CBLB: variants seen among roughly 807,000 people sequenced by gnomAD.
CBLB encodes E3 ubiquitin-protein ligase CBL-B.
Under a neutral mutation model 104.9 loss-of-function variants are expected in CBLB, and 31 were observed. The ratio of observed to expected loss-of-function variants is 0.30; its 90% CI spans 0.22 to 0.40. The LOEUF (loss-of-function observed/expected upper bound fraction) is 0.40, where lower values mean the gene tolerates loss of function less well. CBLB is among the 10% of genes least tolerant of loss of function. CBLB has a pLI of 1.00. For synonymous variants in CBLB, 440 were observed against 422.6 expected, an observed-to-expected ratio of 1.04 and a Z score of -0.51; for missense variants, 1,062 against 1,214.6, an observed-to-expected ratio of 0.87 and a Z score of 1.87.
At chr3:105,745,294 TG>T (rs2075997717) in intron 6 of CBLB, among the ~76,000 whole-genome samples, 1 of 152,196 alleles carries the variant, frequency 6.6e-6, no homozygotes, top group East Asian at 1.9e-4. Context: ...ATTAATAAGG[TG>T]TAATTTCTTG....
chr3:105,833,907 TA>T (rs950070320), intron 3 of CBLB, among the ~76,000 whole-genome samples: 7 of 148,464 alleles, frequency 4.7e-5, no homozygotes, highest in Non-Finnish European at 6.0e-5. Context: ...CCTTTCGTTT[TA>T]AAAAAAAAAA....
intron 3 of CBLB, among the ~76,000 whole-genome samples, chr3:105,782,711 A>G (rs2080437156): frequency 6.6e-6 from 1 of 151,022 alleles, no homozygotes; most frequent in South Asian, 2.1e-4. Flanking sequence ...CTCAGCCTCC[A>G]GAGGGTGTAT....
In CBLB at chr3:105,658,910, A is replaced by G. The variant is rs1193061531; in HGVS notation, c.*60T>C. The G allele has an allele frequency of 6.4e-7, 1 of 1,574,762 alleles. No homozygotes were observed. Among genetic ancestry groups the G allele is most frequent in the African/African-American group, 1.4e-5 (1 of 73,866 alleles). ...CTTGAATTCCATCTCAGTTCTCTTT[A>G]TTTCCACACTCTTGGAATACATCGA... On this transcript the variant is annotated 3_prime_UTR_variant, in exon 19 of 19. Transcript: ENST00000394030.
intron 3 of CBLB, among the ~76,000 whole-genome samples, chr3:105,793,855 CAA>C (rs2081966804): frequency 6.8e-6 from 1 of 146,516 alleles, no homozygotes; most frequent in South Asian, 2.1e-4. Context: ...AAAAGAAATG[CAA>C]AAAAGGGTGA....
chr3:105,814,987 C>G (rs1560368438), intron 3 of CBLB, among the ~76,000 whole-genome samples: 1 of 146,316 alleles, frequency 6.8e-6, no homozygotes, highest in African/African-American at 2.5e-5. Context: ...CACTTCCATC[C>G]TTAGCCACTA....
At position 105,656,934 on chromosome 3, in the gene CBLB, A is replaced by G. The variant is rs1479707667; in HGVS notation, c.*2036T>C. The G allele has an allele frequency of 9.3e-6, 2 of 216,192 alleles. No homozygotes were observed. Among genetic ancestry groups the G allele is most frequent in the Non-Finnish European group, 1.9e-5 (2 of 107,354 alleles). 13.4% of individuals were successfully genotyped at this position (216,192 alleles called of 1,614,324 possible). A position where few individuals can be genotyped will look rare whatever the true frequency, so the allele number is the denominator to read the frequency against. On this transcript the variant is annotated 3_prime_UTR_variant, in exon 19 of 19. Coordinates refer to ENST00000394030, the MANE Select transcript of CBLB (RefSeq NM_170662.5). ...AATCATAATGACAAAACAGGGGTTC[A>G]TAAAGCAAAAGAAAATTTGCCAATG...
chr3:105,658,920 T>G lies in CBLB; in HGVS notation c.*50A>C. The G allele has an allele frequency of 6.3e-7, 1 of 1,588,224 alleles. No homozygotes were observed. Among genetic ancestry groups the G allele is most frequent in the Non-Finnish European group, 8.6e-7 (1 of 1,157,430 alleles). ...ATCTCAGTTCTCTTTATTTCCACAC[T>G]CTTGGAATACATCGATTGCTTTCCA... On this transcript the variant is annotated 3_prime_UTR_variant, in exon 19 of 19. Transcript: ENST00000394030.
intron 3 of CBLB, among the ~76,000 whole-genome samples, chr3:105,797,957 G>A (rs981996532): frequency 2.0e-5 from 3 of 152,142 alleles, no homozygotes; most frequent in South Asian, 2.1e-4. Context: ...CCATTACAAC[G>A]GTAGAAGCAC....
chr3:105,829,732 G>C (rs566681414), intron 3 of CBLB, among the ~76,000 whole-genome samples: 1,682 of 136,946 alleles, frequency 0.012, 21 homozygotes, highest in Middle Eastern at 0.052. Context: ...TAATAATGGA[G>C]GAAGATTTCT....
chr3:105,854,531 A>T (rs758744280), intron 2 of CBLB, among the ~76,000 whole-genome samples: 1 of 152,144 alleles, frequency 6.6e-6, no homozygotes, highest in Non-Finnish European at 1.5e-5. Context: ...ACTCTTACAA[A>T]AGGTTAAATG....
At chr3:105,825,347 G>C (rs2086429909) in intron 3 of CBLB, among the ~76,000 whole-genome samples, 2 of 152,154 alleles carry the variant, frequency 1.3e-5, no homozygotes, top group Non-Finnish European at 2.9e-5. Context: ...CCGACTCTCA[G>C]ATAGTGAGAA....
chr3:105,863,184 C>T (rs1017669011), intron 2 of CBLB, among the ~76,000 whole-genome samples: 1 of 152,114 alleles, frequency 6.6e-6, no homozygotes, highest in Non-Finnish European at 1.5e-5. Context: ...CAGGGATAAA[C>T]CAAGGTAAGT....
intron 3 of CBLB, among the ~76,000 whole-genome samples, chr3:105,831,771 A>G (rs978149166): frequency 6.6e-6 from 1 of 152,234 alleles, no homozygotes; most frequent in Non-Finnish European, 1.5e-5. Flanking sequence ...AATCAAAAGA[A>G]AAACTTTTCA....
At chr3:105,863,293 C>T (rs983284114) in intron 2 of CBLB, among the ~76,000 whole-genome samples, 1 of 152,170 alleles carries the variant, frequency 6.6e-6, no homozygotes, top group Non-Finnish European at 1.5e-5. Context: ...AACACAAATT[C>T]AAAACTGAAC....
chr3:105,684,149 C>T (rs960120822), intron 14 of CBLB, among the ~76,000 whole-genome samples: 1 of 152,172 alleles, frequency 6.6e-6, no homozygotes, highest in Admixed American at 6.5e-5. Context: ...GAAGTAATTG[C>T]CATCTCCCCT....
chr3:105,802,063 C>A (rs1241803559), intron 3 of CBLB, among the ~76,000 whole-genome samples: 1 of 152,160 alleles, frequency 6.6e-6, no homozygotes, highest in Non-Finnish European at 1.5e-5. Flanking sequence ...ACTGTAATAA[C>A]CTTCAAGAAA....
At chr3:105,807,953 A>C (rs1577375167) in intron 3 of CBLB, among the ~76,000 whole-genome samples, 1 of 152,218 alleles carries the variant, frequency 6.6e-6, no homozygotes, top group East Asian at 1.9e-4. Flanking sequence ...CAGTCATTAC[A>C]CTATCATTGT....
In CBLB at chr3:105,807,549, T is replaced by C. The variant is rs937255647; in HGVS notation, c.420-31007A>G. 1.2e-4 allele frequency among the ~76,000 whole-genome samples: 19 copies of C among 152,220 alleles called. 1 individual carries two copies. The highest frequency in any genetic ancestry group is 2.9e-5 in the Non-Finnish European group (2 of 68,034). ...AATCCTATGTTCAGAGAAACACATA[T>C]AATTTAATGGAAAAACATAATTTCA... On this transcript the variant is annotated intron_variant, in intron 3 of 18. Coordinates refer to ENST00000394030, the MANE Select transcript of CBLB (RefSeq NM_170662.5).
At position 105,658,696 on chromosome 3, in the gene CBLB, A is replaced by G. The variant is rs1329061174; in HGVS notation, c.*274T>C. ...CTGTAAACAAGGTAAAGCATTTCAC[A>G]GGTTCAAAGTTCAAGGGAAGTAAAC... On this transcript the variant is annotated 3_prime_UTR_variant, in exon 19 of 19. Coordinates refer to ENST00000394030, the MANE Select transcript of CBLB (RefSeq NM_170662.5). The G allele has an allele frequency of 4.0e-6, 2 of 497,128 alleles. No homozygotes were observed. The highest frequency in any genetic ancestry group is 7.2e-6 in the Non-Finnish European group (2 of 277,254). 30.8% of individuals were successfully genotyped at this position (497,128 alleles called of 1,614,324 possible).
Sources: allele counts gnomAD v4.1 joint callset (sites outside exome capture counted in the v4.1 genomes callset), GRCh38; gene constraint gnomAD v4.1.1; transcripts MANE v1.5; gene names NCBI Gene and HGNC (gene_info 2026-07-23, HGNC 2026-07-21).